COL11A1: variants seen among roughly 807,000 people sequenced by gnomAD.
COL11A1 encodes the protein collagen type XI alpha 1 chain.
Under a neutral mutation model 265.2 loss-of-function variants are expected in COL11A1, and 74 were observed. That is an observed-to-expected ratio of 0.28 (90% CI 0.23 to 0.34). The LOEUF (loss-of-function observed/expected upper bound fraction) is 0.34. COL11A1 is among the 10% of genes least tolerant of loss of function. The pLI is 1.00. For missense variants in COL11A1, 2,165 were observed against 2,263.6 expected (o/e 0.96, Z 0.88); for synonymous variants, 816 against 727.6 (o/e 1.12, Z -1.96).
At chr1:102,885,190 G>A (rs1364413561) in intron 63 of COL11A1, among the ~76,000 whole-genome samples, 2 of 151,952 alleles carry the variant, frequency 1.3e-5, no homozygotes, top group African/African-American at 2.4e-5. Context: ...TGTATCTTTC[G>A]AGCTTGAATC....
intron 14 of COL11A1, 144 bp from the exon 15 acceptor site, chr1:103,008,660 A>C (rs1483348676): frequency 1.3e-6 from 1 of 756,658 alleles, no homozygotes; most frequent in African/African-American, 1.8e-5. Flanking sequence ...ACACAGTAAA[A>C]TTTTCCAGCA....
chr1:103,096,780 A>G (rs978842457), intron 1 of COL11A1, among the ~76,000 whole-genome samples: 2 of 152,054 alleles, frequency 1.3e-5, no homozygotes, highest in African/African-American at 4.8e-5. Context: ...TCATGACCTC[A>G]TATATTAATC....
chr1:103,058,224 G>A (rs1670388514), intron 4 of COL11A1, among the ~76,000 whole-genome samples: 1 of 152,124 alleles, frequency 6.6e-6, no homozygotes, highest in East Asian at 1.9e-4. Flanking sequence ...GCTTCTGCTA[G>A]ATTTGATCTT....
chr1:103,080,505 C>T (rs1672320831), intron 2 of COL11A1, among the ~76,000 whole-genome samples: 1 of 151,630 alleles, frequency 6.6e-6, no homozygotes, highest in Non-Finnish European at 1.5e-5. Flanking sequence ...TAAAAATGGA[C>T]AAGATGTCTG....
chr1:103,083,070 G>C, intron 1 of COL11A1, 98 bp from the exon 2 acceptor site: 1 of 1,194,214 alleles, frequency 8.4e-7, no homozygotes, highest in Non-Finnish European at 1.2e-6. Context: ...TTCATACCTT[G>C]AATCTATTTA....
chr1:102,961,181 G>A (rs1284526488), intron 41 of COL11A1, among the ~76,000 whole-genome samples: 1 of 152,056 alleles, frequency 6.6e-6, no homozygotes, highest in African/African-American at 2.4e-5. Context: ...ATTTCAGTGT[G>A]CAGATAAGAA....
intron 53 of COL11A1, among the ~76,000 whole-genome samples, chr1:102,912,434 T>C (rs1318898174): frequency 6.6e-6 from 1 of 152,204 alleles, no homozygotes; most frequent in Non-Finnish European, 1.5e-5. Context: ...TAGAACAAAG[T>C]GAATCAAATT....
At chr1:102,894,960 T>A (rs1321787540) in intron 57 of COL11A1, among the ~76,000 whole-genome samples, 1 of 152,114 alleles carries the variant, frequency 6.6e-6, no homozygotes, top group African/African-American at 2.4e-5. Context: ...TATTTGTCAA[T>A]CTTCAGTTCC....
chr1:102,916,109 G>T (rs1655307938), intron 49 of COL11A1, among the ~76,000 whole-genome samples: 1 of 152,138 alleles, frequency 6.6e-6, no homozygotes. Context: ...ATCAACAGAT[G>T]ACTTGCTGGT....
intron 6 of COL11A1, 46 bp downstream of exon 6, chr1:103,026,170 G>A (rs1322006369): frequency 7.3e-7 from 1 of 1,372,782 alleles, no homozygotes; most frequent in African/African-American, 1.4e-5. Context: ...ACCACAGGAT[G>A]ACGAACAGCA....
intron 41 of COL11A1, among the ~76,000 whole-genome samples, chr1:102,960,488 G>GT (rs1491561024): frequency 5.3e-5 from 6 of 112,566 alleles, no homozygotes; most frequent in African/African-American, 2.7e-4. Flanking sequence ...GTGTGTGTGT[G>GT]GGGGGGGGAA....
intron 37 of COL11A1, 112 bp from the exon 38 acceptor site, chr1:102,965,652 A>T (rs1331484207): frequency 1.0e-5 from 8 of 795,400 alleles, no homozygotes; most frequent in Non-Finnish European, 1.7e-5. Flanking sequence ...TATTGACTAA[A>T]AATATTTATT....
At chr1:103,036,320 TCGTA>T (rs1294055174) in intron 4 of COL11A1, among the ~76,000 whole-genome samples, 2 of 30,006 alleles carry the variant, frequency 6.7e-5, no homozygotes, top group Admixed American at 6.2e-4. Flanking sequence ...AAAGTTGCTA[TCGTA>T]TATATATATA....
intron 28 of COL11A1, among the ~76,000 whole-genome samples, chr1:102,992,387 G>A (rs566459920): frequency 2.0e-5 from 3 of 151,886 alleles, no homozygotes; most frequent in Non-Finnish European, 4.4e-5. Flanking sequence ...ACAAATCTAA[G>A]GCTAAAAAAG....
chr1:102,886,564 T>C (rs1254705876), intron 63 of COL11A1, among the ~76,000 whole-genome samples: 4 of 152,240 alleles, frequency 2.6e-5, no homozygotes. Context: ...TTGTGTTAGC[T>C]GTAATCATCC....
intron 24 of COL11A1, among the ~76,000 whole-genome samples, 181 bp from the exon 25 acceptor site, chr1:102,998,544 C>G (rs566088553): frequency 6.6e-6 from 1 of 151,836 alleles, no homozygotes; most frequent in African/African-American, 2.4e-5. Context: ...TAAATTAAAA[C>G]TAAATTTAAC....
At chr1:102,975,417 T>G (rs1282416483) in intron 35 of COL11A1, among the ~76,000 whole-genome samples, 1 of 152,184 alleles carries the variant, frequency 6.6e-6, no homozygotes. Flanking sequence ...AAAATATATT[T>G]ATTTTGGATG....
intron 23 of COL11A1, 23 bp downstream of exon 23, chr1:103,002,405 G>A (rs781676566): frequency 6.3e-7 from 1 of 1,590,990 alleles, no homozygotes; most frequent in Non-Finnish European, 8.6e-7. Flanking sequence ...TATTTCAAAG[G>A]AGCTGCAGTG....
At chr1:102,892,755 T>G (rs960977492) in intron 57 of COL11A1, among the ~76,000 whole-genome samples, 3 of 152,164 alleles carry the variant, frequency 2.0e-5, no homozygotes, top group African/African-American at 7.2e-5. Context: ...TGTTTTTTAA[T>G]TCATAACTGA....
Sources: allele counts gnomAD v4.1 joint callset (sites outside exome capture counted in the v4.1 genomes callset), GRCh38; gene constraint gnomAD v4.1.1; transcripts MANE v1.5; gene names NCBI Gene and HGNC (gene_info 2026-07-23, HGNC 2026-07-21).